LAMA3: variants seen among roughly 807,000 people sequenced by gnomAD.
LAMA3 encodes laminin subunit alpha 3, also known as laminin subunit alpha-3.
LAMA3 carries 281 observed loss-of-function variants against 402.0 expected under a neutral mutation model. The ratio of observed to expected loss-of-function variants is 0.70; its 90% CI spans 0.63 to 0.77. The LOEUF is 0.77. Among genes scored for constraint, LAMA3 ranks in the 30% least tolerant of loss-of-function variants. The pLI, the probability that LAMA3 is intolerant of heterozygous loss-of-function variation, is 0.00. For synonymous variants in LAMA3, 1,431 were observed against 1,558.4 expected, an observed-to-expected ratio of 0.92 and a Z score of 1.93; for missense variants, 3,840 against 4,215.5, an observed-to-expected ratio of 0.91 and a Z score of 2.47.
intron 10 of LAMA3, 113 bp from the exon 11 acceptor site, chr18:23,777,444 A>G: frequency 2.6e-6 from 2 of 770,726 alleles, no homozygotes; most frequent in Non-Finnish European, 2.3e-6. Context: ...TAGTCTCTAT[A>G]TGCTACTTTT....
At chr18:23,912,071 A>C (rs2081446945) in intron 55 of LAMA3, among the ~76,000 whole-genome samples, 1 of 146,094 alleles carries the variant, frequency 6.8e-6, no homozygotes, top group South Asian at 2.1e-4. Context: ...AATATATTTT[A>C]TATATTTAAT....
intron 20 of LAMA3, among the ~76,000 whole-genome samples, chr18:23,822,965 A>C (rs1300392375): frequency 1.3e-5 from 2 of 152,202 alleles, no homozygotes; most frequent in African/African-American, 2.4e-5. Flanking sequence ...TCAAGGTATT[A>C]GGGCTTCTAC....
intron 41 of LAMA3, among the ~76,000 whole-genome samples, chr18:23,888,535 G>A (rs1326493419): frequency 1.3e-5 from 2 of 152,136 alleles, no homozygotes; most frequent in African/African-American, 4.8e-5. Context: ...ATATTTTCAT[G>A]GGGGCTGTGG....
At chr18:23,783,367 G>T (rs534160298) in intron 11 of LAMA3, among the ~76,000 whole-genome samples, 1 of 152,148 alleles carries the variant, frequency 6.6e-6, no homozygotes, top group Admixed American at 6.5e-5. Flanking sequence ...AAAGTGGGGG[G>T]GCCATTTATA....
At chr18:23,931,027 A>T in intron 64 of LAMA3, 35 bp from the exon 65 acceptor site, 1 of 1,589,788 alleles carries the variant, frequency 6.3e-7, no homozygotes, top group Non-Finnish European at 8.6e-7. Context: ...CTTATATGCA[A>T]ATTAGTTGAT....
At chr18:23,885,853 A>T (rs1568298701) in intron 41 of LAMA3, among the ~76,000 whole-genome samples, 1 of 152,216 alleles carries the variant, frequency 6.6e-6, no homozygotes, top group Non-Finnish European at 1.5e-5. Flanking sequence ...CCTATTCATA[A>T]TCATTTTGTC....
Position 23,946,308 on chromosome 18 carries a change from T to G in LAMA3, c.9351+24T>G. The G allele has an allele frequency of 1.9e-6, 3 of 1,611,676 alleles. No homozygotes were observed. The Middle Eastern group carries it at 5.0e-4, about 266-fold the overall frequency. The stretch of plus-strand genomic sequence containing the variant: ...AGGTAAATAGTTATGTTCAGAGCCA[T>G]GGACAGAAACAATTCACCTTATATT... On this transcript the variant is annotated intron_variant, in intron 70 of 74. Transcript: ENST00000313654.
chr18:23,782,496 T>G (rs888707710), intron 11 of LAMA3, among the ~76,000 whole-genome samples: 1 of 152,058 alleles, frequency 6.6e-6, no homozygotes. Flanking sequence ...GAGGTTATGG[T>G]GAGCAGAGAT....
At chr18:23,823,360 C>G (rs899031682) in intron 20 of LAMA3, among the ~76,000 whole-genome samples, 2 of 152,230 alleles carry the variant, frequency 1.3e-5, no homozygotes, top group Non-Finnish European at 2.9e-5. Flanking sequence ...ACAGGCCCCT[C>G]TGCCTCCTGC....
At chr18:23,738,402 T>A (rs2061512010) in intron 2 of LAMA3, among the ~76,000 whole-genome samples, 1 of 152,054 alleles carries the variant, frequency 6.6e-6, no homozygotes, top group African/African-American at 2.4e-5. Flanking sequence ...GATGTGCAGA[T>A]GCAAATGTAT....
intron 55 of LAMA3, among the ~76,000 whole-genome samples, chr18:23,912,281 G>C (rs2081458773): frequency 6.6e-6 from 1 of 151,416 alleles, no homozygotes; most frequent in Non-Finnish European, 1.5e-5. Flanking sequence ...TTACAGGTGT[G>C]AGCTACTGCA....
rs181582658 is a variant in LAMA3, at chr18:23,839,163, C to T, written c.3191+285C>T. Among the ~76,000 whole-genome samples, 29 of 152,322 alleles carry T rather than the reference C, an allele frequency of 1.9e-4. No individual in the cohort carries two copies. The highest frequency in any genetic ancestry group is 1.4e-3 in the Admixed American group (22 of 15,308). ...TCTATTCTGAGCCCTCGAAAAGACT[C>T]GTTTTGTTCCAATCTTTTAATCTTT... is the stretch of plus-strand genomic sequence containing the variant. On this transcript the variant is annotated intron_variant, in intron 26 of 74. Transcript: ENST00000313654. This position sits in a 1 kb window ranked among gnomAD's most constrained non-coding sequence, Gnocchi z 4.5.
At chr18:23,763,626 A>C (rs935375934) in intron 8 of LAMA3, 103 bp downstream of exon 8, 1 of 811,942 alleles carries the variant, frequency 1.2e-6, no homozygotes, top group Non-Finnish European at 2.2e-6. Flanking sequence ...GGCAATCGTA[A>C]GAGTTTTCTG....
intron 8 of LAMA3, among the ~76,000 whole-genome samples, chr18:23,767,578 C>CTT (rs71163640): frequency 0.018 from 2,228 of 125,756 alleles, 203 homozygotes; most frequent in Admixed American, 0.15. Flanking sequence ...TCTTTCTTTT[C>CTT]TTTTTTTTTT....
At chr18:23,867,194 C>A (rs973135133) in intron 36 of LAMA3, among the ~76,000 whole-genome samples, 1 of 152,180 alleles carries the variant, frequency 6.6e-6, no homozygotes, top group Non-Finnish European at 1.5e-5. Context: ...TTCTTCCCAC[C>A]GCAGGCTGGT....
rs182260164 is a variant in LAMA3, at chr18:23,800,989, A to C, written c.1604-9377A>C. Among the ~76,000 whole-genome samples, 6 of 152,220 alleles carry C rather than the reference A, an allele frequency of 3.9e-5. No individual in the cohort carries two copies. The East Asian group carries it at 1.2e-3, about 29-fold the overall frequency. On this transcript the variant is annotated intron_variant, in intron 12 of 74. Coordinates refer to ENST00000313654, the MANE Select transcript of LAMA3 (RefSeq NM_198129.4). ...TATTGTGAATAATGCTGCAGTGAAC[A>C]TGGGGGTACAGGTCTATTCACAATA...
Position 23,764,659 on chromosome 18 carries a change from C to T in LAMA3, c.1182+1136C>T, listed in dbSNP as rs62093358. Among the ~76,000 whole-genome samples the T allele has an allele frequency of 6.0e-5, 9 of 151,164 alleles. No individual in the cohort carries two copies. In the East Asian group the frequency reaches 1.7e-3, roughly 29 times the overall value. ...ATTTGGGTGTACTGCATTTGTTTTC[C>T]AACTTAAATTTAAAATGCCTTTTAC... is the stretch of plus-strand genomic sequence containing the variant. On this transcript the variant is annotated intron_variant, in intron 8 of 74. Coordinates refer to ENST00000313654, the MANE Select transcript of LAMA3 (RefSeq NM_198129.4).
intron 24 of LAMA3, among the ~76,000 whole-genome samples, chr18:23,836,219 A>C (rs746730451): frequency 6.6e-6 from 1 of 152,132 alleles, no homozygotes; most frequent in Non-Finnish European, 1.5e-5. Context: ...TTGGCTTTTT[A>C]TATAACTTAT....
At chr18:23,853,682 G>A (rs2063997868) in intron 32 of LAMA3, among the ~76,000 whole-genome samples, 1 of 152,190 alleles carries the variant, frequency 6.6e-6, no homozygotes, top group Non-Finnish European at 1.5e-5. Context: ...TTGGCCAGGA[G>A]CCCCATTGCC....
Sources: allele counts gnomAD v4.1 joint callset (sites outside exome capture counted in the v4.1 genomes callset), GRCh38; gene constraint gnomAD v4.1.1; non-coding constraint Gnocchi (gnomAD v3.1); transcripts MANE v1.5; gene names NCBI Gene and HGNC (gene_info 2026-07-23, HGNC 2026-07-21).